Variants in SLC2A13 observed in about 807,000 individuals in gnomAD.
SLC2A13 encodes the protein solute carrier family 2 member 13.
In SLC2A13, 32 loss-of-function variants were observed where a neutral mutation model predicts 64.4. The ratio of observed to expected loss-of-function variants is 0.50; its 90% CI spans 0.37 to 0.67. SLC2A13 has a LOEUF of 0.67. Among genes scored for constraint, SLC2A13 ranks in the 30% least tolerant of loss-of-function variants. The pLI, the probability that SLC2A13 is intolerant of heterozygous loss-of-function variation, is 0.00. For missense variants in SLC2A13, 743 were observed against 829.2 expected (o/e 0.90, Z 1.28); for synonymous variants, 338 against 327.1 (o/e 1.03, Z -0.36).
chr12:40,042,239 T>C (rs1218205338), intron 2 of SLC2A13, among the ~76,000 whole-genome samples: 11 of 151,310 alleles, frequency 7.3e-5, no homozygotes, highest in Admixed American at 7.3e-4. Flanking sequence ...ATAAGCCTGT[T>C]TTTTTTTTAA....
rs1422910762 is a variant in SLC2A13, at chr12:39,969,827, G to T, written c.926-18462C>A. Among the ~76,000 whole-genome samples the T allele has an allele frequency of 4.1e-4, 62 of 152,190 alleles. 1 individual carries two copies. The highest frequency in any genetic ancestry group is 1.2e-4 in the African/African-American group (5 of 41,518). ...AATTAGATCCCATTTGTCAATTTTG[G>T]CTTTTGTTGCCATTGCTTTTGGTGT... On this transcript the variant is annotated intron_variant, in intron 3 of 9. Transcript: ENST00000280871.
chr12:39,972,005 T>TAA (rs1946658940), intron 3 of SLC2A13, among the ~76,000 whole-genome samples: 1 of 28,028 alleles, frequency 3.6e-5, no homozygotes, highest in African/African-American at 8.7e-5. Flanking sequence ...AAAATATATA[T>TAA]ATATATATAT....
chr12:39,775,522 T>A (rs1940743503), intron 7 of SLC2A13, among the ~76,000 whole-genome samples: 1 of 152,214 alleles, frequency 6.6e-6, no homozygotes, highest in South Asian at 2.1e-4. Context: ...ATTTGAGTGG[T>A]CTAAGAAAAT....
Position 39,790,416 on chromosome 12 carries a change from G to T in SLC2A13, c.1446-25558C>A, listed in dbSNP as rs534093468. On this transcript the variant is annotated intron_variant, in intron 7 of 9. Transcript: ENST00000280871. ...CCCCAGAGTGTGATATTCCCTTCCT[G>T]TGTCCATGTGATCTCATTGTTCAAT... Among the ~76,000 whole-genome samples the T allele has an allele frequency of 9.5e-3, 1,265 of 133,296 alleles. 20 individuals carry two copies. The highest frequency in any genetic ancestry group is 0.035 in the African/African-American group (1,209 of 34,652). 87.4% of individuals were successfully genotyped at this position (133,296 alleles called of 152,430 possible).
At chr12:39,808,305 AT>A (rs1942039128) in intron 7 of SLC2A13, among the ~76,000 whole-genome samples, 1 of 152,152 alleles carries the variant, frequency 6.6e-6, no homozygotes, top group East Asian at 1.9e-4. Context: ...TCTGGGTAGT[AT>A]TTAATTATAT....
chr12:39,819,453 T>G (rs1942428546), intron 7 of SLC2A13, among the ~76,000 whole-genome samples: 1 of 152,172 alleles, frequency 6.6e-6, no homozygotes, highest in Non-Finnish European at 1.5e-5. Flanking sequence ...CATAGTTTAC[T>G]ACAAACTTTT....
At chr12:39,996,543 T>C (rs1350904410) in intron 3 of SLC2A13, among the ~76,000 whole-genome samples, 2 of 152,236 alleles carry the variant, frequency 1.3e-5, no homozygotes, top group African/African-American at 4.8e-5. Flanking sequence ...GCCCCTCTCA[T>C]CACAGGCCAA....
chr12:39,815,332 G>A (rs960829825), intron 7 of SLC2A13, among the ~76,000 whole-genome samples: 2 of 152,276 alleles, frequency 1.3e-5, no homozygotes, highest in East Asian at 1.9e-4. Context: ...GGCCTTTATT[G>A]TTAACTATTG....
At chr12:40,080,403 GTT>G (rs1341458472) in intron 1 of SLC2A13, among the ~76,000 whole-genome samples, 1 of 151,830 alleles carries the variant, frequency 6.6e-6, no homozygotes, top group African/African-American at 2.4e-5. Context: ...GTTTTGTTTT[GTT>G]TTTGAGAGGG....
At chr12:39,829,841 C>T (rs1357253702) in intron 7 of SLC2A13, 2 of 418,258 alleles carry the variant, frequency 4.8e-6, no homozygotes, top group African/African-American at 2.0e-5. Context: ...TGAATAGCTG[C>T]CTAAAACTAA....
chr12:39,879,662 C>T (rs1365246761), intron 4 of SLC2A13, among the ~76,000 whole-genome samples: 1 of 152,218 alleles, frequency 6.6e-6, no homozygotes, highest in Non-Finnish European at 1.5e-5. Flanking sequence ...CCTATACCCC[C>T]AGTGTATCTT....
At chr12:39,802,933 A>G (rs1185869276) in intron 7 of SLC2A13, among the ~76,000 whole-genome samples, 1 of 152,200 alleles carries the variant, frequency 6.6e-6, no homozygotes, top group East Asian at 1.9e-4. Flanking sequence ...GCCCTCTGGG[A>G]AGGGCAACTC....
At chr12:39,910,909 C>T (rs933165971) in intron 4 of SLC2A13, among the ~76,000 whole-genome samples, 2 of 151,808 alleles carry the variant, frequency 1.3e-5, no homozygotes, top group African/African-American at 4.8e-5. Context: ...ATGGTGAAAC[C>T]CCGTCTCTAC....
At chr12:40,016,391 C>G (rs1010306046) in intron 3 of SLC2A13, among the ~76,000 whole-genome samples, 8 of 152,102 alleles carry the variant, frequency 5.3e-5, no homozygotes, top group Non-Finnish European at 1.0e-4. Context: ...TTTTGAGAAC[C>G]ATGAGTTTCC....
At chr12:39,779,447 A>G (rs191365768) in intron 7 of SLC2A13, among the ~76,000 whole-genome samples, 3 of 152,216 alleles carry the variant, frequency 2.0e-5, no homozygotes, top group African/African-American at 7.2e-5. Context: ...TAGATAGTAA[A>G]CTTCAGTGAG....
At chr12:40,044,168 C>T (rs890281088) in intron 2 of SLC2A13, among the ~76,000 whole-genome samples, 1 of 152,072 alleles carries the variant, frequency 6.6e-6, no homozygotes, top group South Asian at 2.1e-4. Flanking sequence ...GAAGTACTGA[C>T]ACATACTACA....
intron 7 of SLC2A13, among the ~76,000 whole-genome samples, chr12:39,801,435 T>C (rs916863576): frequency 1.3e-5 from 2 of 149,440 alleles, no homozygotes; most frequent in Non-Finnish European, 3.0e-5. Context: ...CAAAAGAGAG[T>C]TTTCCCAGAG....
chr12:40,028,596 A>ACAACAC, intron 2 of SLC2A13, 87 bp from the exon 3 acceptor site: 1 of 1,271,832 alleles, frequency 7.9e-7, no homozygotes, highest in Non-Finnish European at 1.1e-6. Context: ...TGTTGACAAC[A>ACAACAC]ATAATACTTA....
intron 3 of SLC2A13, among the ~76,000 whole-genome samples, chr12:39,952,297 G>C (rs930341932): frequency 6.6e-6 from 1 of 152,074 alleles, no homozygotes; most frequent in African/African-American, 2.4e-5. Context: ...CAACTCCCAG[G>C]ACCTATGGTA....
Sources: allele counts gnomAD v4.1 joint callset (sites outside exome capture counted in the v4.1 genomes callset), GRCh38; gene constraint gnomAD v4.1.1; transcripts MANE v1.5; gene names NCBI Gene and HGNC (gene_info 2026-07-23, HGNC 2026-07-21).